Variants in DNAH11 observed in about 807,000 individuals in gnomAD.
DNAH11 encodes axonemal beta dynein heavy chain 11.
A neutral mutation model predicts 526.0 loss-of-function variants in DNAH11; 442 were observed. The ratio of observed to expected loss-of-function variants is 0.84; its 90% CI spans 0.78 to 0.91. The LOEUF is 0.91. DNAH11 is among the 40% of genes least tolerant of loss of function. The pLI is 0.00. For synonymous variants in DNAH11, 2,461 were observed against 1,935.9 expected (o/e 1.27, Z -7.12); for missense variants, 6,989 against 5,448.7 (o/e 1.28, Z -8.90).
intron 25 of DNAH11, among the ~76,000 whole-genome samples, chr7:21,633,209 G>A (rs949082526): frequency 5.3e-5 from 8 of 152,224 alleles, no homozygotes; most frequent in African/African-American, 9.6e-5. Flanking sequence ...TGGGGACACA[G>A]CCAAACCATA....
At chr7:21,674,560 G>A (rs114281922) in intron 30 of DNAH11, among the ~76,000 whole-genome samples, 72 of 152,096 alleles carry the variant, frequency 4.7e-4, no homozygotes, top group African/African-American at 1.5e-3. Flanking sequence ...ACAGGGTTTC[G>A]CCATGTTGAC....
intron 2 of DNAH11, among the ~76,000 whole-genome samples, chr7:21,546,282 C>T (rs985494048): frequency 5.3e-5 from 8 of 152,214 alleles, no homozygotes; most frequent in Admixed American, 1.3e-4. Flanking sequence ...CTGTACCCTG[C>T]CTGGGTTTCC....
intron 61 of DNAH11, among the ~76,000 whole-genome samples, chr7:21,792,355 A>T (rs750966013): frequency 5.5e-4 from 83 of 152,240 alleles, no homozygotes; most frequent in Middle Eastern, 3.4e-3. Flanking sequence ...TTCATCTGAG[A>T]TACTGACTGT....
In DNAH11 at chr7:21,876,085, C is replaced by T. The variant is rs150894500; in HGVS notation, c.12195+2584C>T. ...TTTTTTAGTAGAGACGGGGTTTCACCGTGTTAGCCAGGATGGTCTTGATCT... is the reference window on the plus strand; with the variant it reads ...TTTTTTAGTAGAGACGGGGTTTCACTGTGTTAGCCAGGATGGTCTTGATCT... On this transcript the variant is annotated intron_variant, in intron 74 of 81. Coordinates refer to ENST00000409508, the MANE Select transcript of DNAH11 (RefSeq NM_001277115.2). 8.4e-3 allele frequency among the ~76,000 whole-genome samples: 1,279 copies of T among 151,942 alleles called. 7 individuals carry two copies. Among genetic ancestry groups the T allele is most frequent in the African/African-American group, 0.015 (611 of 41,448 alleles).
At chr7:21,756,043 T>A (rs1786621948) in intron 54 of DNAH11, among the ~76,000 whole-genome samples, 1 of 152,128 alleles carries the variant, frequency 6.6e-6, no homozygotes. Context: ...GATGACCTCC[T>A]GTTTTACATT....
At chr7:21,728,099 G>A (rs1040009186) in intron 45 of DNAH11, among the ~76,000 whole-genome samples, 3 of 152,024 alleles carry the variant, frequency 2.0e-5, no homozygotes, top group African/African-American at 7.3e-5. Context: ...ACATTCTGAG[G>A]TATGAGGGGT....
At chr7:21,869,642 A>G (rs531672674) in intron 73 of DNAH11, among the ~76,000 whole-genome samples, 7 of 152,266 alleles carry the variant, frequency 4.6e-5, no homozygotes, top group South Asian at 2.1e-4. Context: ...GCTCTACCAC[A>G]TTCTCCCAAT....
chr7:21,588,048 A>G lies in DNAH11; in HGVS notation c.1711-16A>G, dbSNP rs745751395. The stretch of plus-strand genomic sequence containing the variant: ...ACTCATAGTGCTTAATGTTGCCTTC[A>G]CTTTGATTTTTATAGCTTTTGACCA... On this transcript the variant is annotated splice_polypyrimidine_tract_variant and intron_variant, in intron 9 of 81. Transcript: ENST00000409508. 3.0e-5 allele frequency: 49 copies of G among 1,611,780 alleles called. No homozygotes were observed. The highest frequency in any genetic ancestry group is 4.1e-5 in the Non-Finnish European group (48 of 1,179,086).
Position 21,720,863 on chromosome 7 carries a change from T to G in DNAH11, c.7266+7T>G. 6.2e-7 allele frequency: 1 copy of G among 1,610,730 alleles called. No individual in the cohort carries two copies. Among genetic ancestry groups the G allele is most frequent in the South Asian group, 1.1e-5 (1 of 90,522 alleles). ...CACCCTGCTACAAGATCAGGTATGTTTAGAAATAGTTTACAGGACCAGTTT... is the reference window on the plus strand; with the variant it reads ...CACCCTGCTACAAGATCAGGTATGTGTAGAAATAGTTTACAGGACCAGTTT... On this transcript the variant is annotated splice_region_variant and intron_variant, in intron 44 of 81. Coordinates refer to ENST00000409508, the MANE Select transcript of DNAH11 (RefSeq NM_001277115.2).
chr7:21,687,073 A>T (rs371248074), intron 32 of DNAH11, 26 bp from the exon 33 acceptor site: 1 of 1,595,134 alleles, frequency 6.3e-7, no homozygotes, highest in South Asian at 1.2e-5. Flanking sequence ...TTAGACTGTG[A>T]TGTTTGTGTT....
chr7:21,840,628 C>T (rs1293740771), intron 65 of DNAH11, among the ~76,000 whole-genome samples: 1 of 152,068 alleles, frequency 6.6e-6, no homozygotes, highest in East Asian at 1.9e-4. Context: ...ACTAGATCCT[C>T]ATAGCAGGTT....
At chr7:21,609,486 C>G (rs1583525283) in intron 20 of DNAH11, among the ~76,000 whole-genome samples, 1 of 152,216 alleles carries the variant, frequency 6.6e-6, no homozygotes, top group East Asian at 1.9e-4. Context: ...TCCCAACTTG[C>G]TGGGATTACA....
chr7:21,641,096 C>T lies in DNAH11; in HGVS notation c.4944+2031C>T, dbSNP rs866319653. 5.9e-5 allele frequency among the ~76,000 whole-genome samples: 9 copies of T among 152,298 alleles called. 1 individual carries two copies. The highest frequency in any genetic ancestry group is 4.1e-4 in the South Asian group (2 of 4,826). The stretch of plus-strand genomic sequence containing the variant: ...CACTTTAATCCTCCCATTTCTTGCT[C>T]CTGGCAGTGTAACCAGCCACCTGGT... On this transcript the variant is annotated intron_variant, in intron 28 of 81. Transcript: ENST00000409508.
chr7:21,769,497 T>G (rs2127976390), intron 55 of DNAH11, among the ~76,000 whole-genome samples: 1 of 152,144 alleles, frequency 6.6e-6, no homozygotes, highest in East Asian at 1.9e-4. Context: ...TTTTTTTTCT[T>G]TTTTTGAGAG....
At chr7:21,802,643 A>G (rs1789045088) in intron 62 of DNAH11, among the ~76,000 whole-genome samples, 1 of 152,220 alleles carries the variant, frequency 6.6e-6, no homozygotes, top group Non-Finnish European at 1.5e-5. Flanking sequence ...ATAAAAATGA[A>G]TACTGAGTCA....
At chr7:21,776,887 C>T (rs1455008136) in intron 56 of DNAH11, among the ~76,000 whole-genome samples, 1 of 152,052 alleles carries the variant, frequency 6.6e-6, no homozygotes, top group Non-Finnish European at 1.5e-5. Context: ...AGGAAAGTGG[C>T]ATTGGTACAA....
intron 20 of DNAH11, among the ~76,000 whole-genome samples, chr7:21,611,141 G>A (rs1213010506): frequency 1.3e-5 from 2 of 152,106 alleles, no homozygotes; most frequent in African/African-American, 4.8e-5. Flanking sequence ...TTGGCTGGGG[G>A]CCCAGATAGA....
At chr7:21,795,535 C>G (rs1399973903) in intron 61 of DNAH11, among the ~76,000 whole-genome samples, 2 of 152,170 alleles carry the variant, frequency 1.3e-5, no homozygotes, top group African/African-American at 2.4e-5. Flanking sequence ...CTTTTTATGC[C>G]TAGCACCTGA....
chr7:21,806,755 G>T (rs1156717668), intron 62 of DNAH11, among the ~76,000 whole-genome samples: 1 of 152,044 alleles, frequency 6.6e-6, no homozygotes, highest in Non-Finnish European at 1.5e-5. Flanking sequence ...ATAAATTAGT[G>T]AACTACCCTG....
Sources: allele counts gnomAD v4.1 joint callset (sites outside exome capture counted in the v4.1 genomes callset), GRCh38; gene constraint gnomAD v4.1.1; transcripts MANE v1.5; gene names NCBI Gene and HGNC (gene_info 2026-07-23, HGNC 2026-07-21).